The following GRIA1 variants were observed in gnomAD, a reference collection of about 807,000 sequenced individuals.
GRIA1 encodes the protein glutamate ionotropic receptor AMPA type subunit 1.
A neutral mutation model predicts 99.2 loss-of-function variants in GRIA1; 31 were observed. The ratio of observed to expected loss-of-function variants is 0.31; its 90% confidence interval spans 0.23 to 0.42. GRIA1 has a LOEUF of 0.42. GRIA1 is among the 10% of genes least tolerant of loss of function. The probability of loss-of-function intolerance (pLI) is 1.00; values close to 1 mark genes in which losing one functional copy is unlikely to be tolerated. For synonymous variants in GRIA1, 438 were observed against 432.4 expected (o/e 1.01, Z -0.16); for missense variants, 782 against 1,157.5 (o/e 0.68, Z 4.71).
chr5:153,654,130 GC>G (rs1205417264), intron 4 of GRIA1, among the ~76,000 whole-genome samples: 41 of 152,190 alleles, frequency 2.7e-4, no homozygotes, highest in Admixed American at 2.7e-3. Context: ...CAAGCACCAT[GC>G]TTCTTTCACC....
chr5:153,781,854 G>A (rs1253415652), intron 13 of GRIA1, among the ~76,000 whole-genome samples: 1 of 152,104 alleles, frequency 6.6e-6, no homozygotes, highest in Non-Finnish European at 1.5e-5. Flanking sequence ...GTACTCTTAA[G>A]GGAAACAAGG....
intron 15 of GRIA1, among the ~76,000 whole-genome samples, chr5:153,804,712 T>TATTAATTA (rs763404194): frequency 9.6e-5 from 10 of 103,774 alleles, no homozygotes; most frequent in Admixed American, 4.1e-4. Flanking sequence ...CTCTGATCCT[T>TATTAATTA]ATTAATTAAT....
intron 14 of GRIA1, among the ~76,000 whole-genome samples, chr5:153,798,535 G>A (rs898470270): frequency 2.6e-5 from 4 of 152,116 alleles, no homozygotes; most frequent in African/African-American, 7.2e-5. Context: ...TGCTTTGTAC[G>A]AGTTTATACT....
intron 2 of GRIA1, among the ~76,000 whole-genome samples, chr5:153,563,062 G>A (rs1186498471): frequency 1.3e-5 from 2 of 152,006 alleles, no homozygotes; most frequent in Admixed American, 6.5e-5. Context: ...TGTAATCCCA[G>A]CTCCTTGGGA....
rs115890792 is a variant in GRIA1, at chr5:153,773,886, T to C, written c.2270+3471T>C. 6.0e-3 allele frequency among the ~76,000 whole-genome samples: 915 copies of C among 152,222 alleles called. 9 individuals are homozygous for C. The highest frequency in any genetic ancestry group is 0.021 in the African/African-American group (875 of 41,536). ...CAAAAACAAAAGAGTAACGCTCGTC[T>C]TAAAAGGGCCTCAGGTGTCTGGCCT... is the stretch of plus-strand genomic sequence containing the variant. On this transcript the variant is annotated intron_variant, in intron 13 of 15. Transcript: ENST00000285900.
At chr5:153,786,270 T>C (rs1166899911) in intron 13 of GRIA1, among the ~76,000 whole-genome samples, 1 of 151,968 alleles carries the variant, frequency 6.6e-6, no homozygotes, top group East Asian at 1.9e-4. Context: ...TGTCAGCTGT[T>C]CTAACCTCAT....
chr5:153,556,030 C>T (rs920253820), intron 2 of GRIA1, among the ~76,000 whole-genome samples: 2 of 152,222 alleles, frequency 1.3e-5, no homozygotes, highest in African/African-American at 4.8e-5. Context: ...ATTGAACCAT[C>T]ATGCCAAACT....
At chr5:153,628,979 T>C (rs1026860894) in intron 2 of GRIA1, among the ~76,000 whole-genome samples, 2 of 152,212 alleles carry the variant, frequency 1.3e-5, no homozygotes, top group Non-Finnish European at 2.9e-5. Flanking sequence ...ATATGGGAAC[T>C]GCAGGCAACT....
chr5:153,795,615 C>A lies in GRIA1; in HGVS notation c.2385+880C>A, dbSNP rs375228432. ...GGTCAGTCACCGGCTACAGAGGTCA[C>A]GCACACCTGTAACAAAAATGCACAG... is the stretch of plus-strand genomic sequence containing the variant. On this transcript the variant is annotated intron_variant, in intron 14 of 15. Coordinates refer to ENST00000285900, the MANE Select transcript of GRIA1 (RefSeq NM_000827.4). 8 of 1,320,386 alleles carry A rather than the reference C, an allele frequency of 6.1e-6. No individual in the cohort carries two copies. In the Admixed American group the frequency reaches 1.4e-4, roughly 22 times the overall value. The allele number at this position is 1,320,386 out of a possible 1,614,324, so 81.8% of individuals were successfully genotyped here. A position where few individuals can be genotyped will look rare whatever the true frequency, so the allele number is the denominator to read the frequency against.
intron 15 of GRIA1, among the ~76,000 whole-genome samples, chr5:153,809,812 C>G (rs1005400880): frequency 2.0e-5 from 3 of 152,116 alleles, no homozygotes; most frequent in Non-Finnish European, 4.4e-5. Context: ...TGCACGAGTA[C>G]AAGATGAGAG....
At chr5:153,683,032 A>G (rs2149493510) in intron 7 of GRIA1, among the ~76,000 whole-genome samples, 1 of 152,304 alleles carries the variant, frequency 6.6e-6, no homozygotes, top group East Asian at 1.9e-4. Flanking sequence ...TGGCGACAGA[A>G]GTTCCGGGAG....
chr5:153,712,990 T>C (rs1448283699), intron 11 of GRIA1, among the ~76,000 whole-genome samples: 1 of 152,150 alleles, frequency 6.6e-6, no homozygotes, highest in African/African-American at 2.4e-5. Flanking sequence ...AGTTTGGAAG[T>C]CATTGAACTA....
intron 2 of GRIA1, among the ~76,000 whole-genome samples, chr5:153,597,396 A>G (rs1431860229): frequency 1.3e-5 from 2 of 152,116 alleles, no homozygotes; most frequent in African/African-American, 4.8e-5. Flanking sequence ...TTAGGGGATC[A>G]CCAAATCTTT....
At chr5:153,611,478 CAG>C (rs1765973237) in intron 2 of GRIA1, among the ~76,000 whole-genome samples, 1 of 152,050 alleles carries the variant, frequency 6.6e-6, no homozygotes, top group Non-Finnish European at 1.5e-5. Context: ...TTTGATCTGC[CAG>C]GCAGTAGATA....
intron 4 of GRIA1, among the ~76,000 whole-genome samples, chr5:153,652,142 T>A (rs1017620516): frequency 2.6e-5 from 4 of 152,196 alleles, no homozygotes; most frequent in Admixed American, 2.0e-4. Flanking sequence ...AGGACCAGCT[T>A]CTTGAGTCAC....
chr5:153,695,301 A>T (rs34330754), intron 8 of GRIA1, among the ~76,000 whole-genome samples: 2 of 152,140 alleles, frequency 1.3e-5, no homozygotes, highest in Non-Finnish European at 2.9e-5. Flanking sequence ...AGAAAACTTT[A>T]CATCATAATA....
At chr5:153,659,668 G>A (rs995973920) in intron 5 of GRIA1, among the ~76,000 whole-genome samples, 3 of 152,180 alleles carry the variant, frequency 2.0e-5, no homozygotes, top group Admixed American at 1.3e-4. Context: ...ACCAACAAGC[G>A]AATGCTTCAG....
At chr5:153,564,111 C>T (rs1336161737) in intron 2 of GRIA1, among the ~76,000 whole-genome samples, 6 of 152,112 alleles carry the variant, frequency 3.9e-5, no homozygotes, top group African/African-American at 1.4e-4. Flanking sequence ...GTCTAGAGTC[C>T]CAGCCTTGCC....
At chr5:153,768,915 C>T (rs1272524289) in intron 12 of GRIA1, among the ~76,000 whole-genome samples, 23 of 152,080 alleles carry the variant, frequency 1.5e-4, no homozygotes, top group Admixed American at 1.5e-3. Context: ...ATACATCTAC[C>T]CTTTGGGAAA....
Sources: gnomAD v4.1 joint callset for allele counts (sites outside exome capture counted in the v4.1 genomes callset) on GRCh38, gnomAD v4.1.1 for gene constraint, MANE v1.5 for transcripts, NCBI Gene and HGNC (gene_info 2026-07-23, HGNC 2026-07-21) for gene names.